PTGFRN: variants seen among roughly 807,000 people sequenced by gnomAD.
The protein encoded by PTGFRN is prostaglandin F2 receptor negative regulator.
PTGFRN carries 35 observed loss-of-function variants against 83.2 expected under a neutral mutation model. The observed-to-expected ratio is 0.42, with a 90% CI of 0.32 to 0.56. The LOEUF (loss-of-function observed/expected upper bound fraction) is 0.56. PTGFRN is among the 20% of genes least tolerant of loss of function. PTGFRN has a pLI of 0.11. For synonymous variants in PTGFRN, 519 were observed against 498.6 expected, an observed-to-expected ratio of 1.04 and a Z score of -0.55; for missense variants, 1,051 against 1,179.5, an observed-to-expected ratio of 0.89 and a Z score of 1.60.
At chr1:116,976,367 A>G (rs1268427764) in intron 7 of PTGFRN, among the ~76,000 whole-genome samples, 1 of 152,204 alleles carries the variant, frequency 6.6e-6, no homozygotes, top group Non-Finnish European at 1.5e-5. Context: ...CAGGAAATAC[A>G]GAGAACGCCA....
chr1:116,910,242 C>A lies in PTGFRN; in HGVS notation c.39C>A (p.Leu13=). 1.4e-6 allele frequency: 2 copies of A among 1,454,452 alleles called. No individual in the cohort carries two copies. Among genetic ancestry groups the A allele is most frequent in the East Asian group, 5.5e-5 (2 of 36,688 alleles). The allele number at this position is 1,454,452 out of a possible 1,614,324, so 90.1% of individuals were successfully genotyped here. A position where few individuals can be genotyped will look rare whatever the true frequency, so the allele number is the denominator to read the frequency against. ...CCTCGAGGCCGCTGCTGCTGGCGCT[C>A]CTGTCGTTGGGTGAGTGTGCGCGGG... ...RLASRPLLLA[L]LSLALCRGRV... is the part of the protein sequence containing the mutation. The change falls in exon 1 of 9, where the codon CTC becomes CTA. Residue 13 remains leucine, a synonymous_variant. Coordinates refer to ENST00000393203, the MANE Select transcript of PTGFRN (RefSeq NM_020440.4).
At position 116,946,972 on chromosome 1, in the gene PTGFRN, A is replaced by G. The variant is rs372889188; in HGVS notation, c.832+1880A>G. 1.8e-4 allele frequency among the ~76,000 whole-genome samples: 28 copies of G among 152,338 alleles called. No individual in the cohort carries two copies. The East Asian group carries it at 2.9e-3, about 16-fold the overall frequency. On this transcript the variant is annotated intron_variant, in intron 3 of 8. Coordinates refer to ENST00000393203, the MANE Select transcript of PTGFRN (RefSeq NM_020440.4). Reference sequence around the variant, plus strand: ...TGATTTCTATTTGGGGTAGTTCCAGACACAGGTAATACTACACTGGTTTGT... The same window carrying G: ...TGATTTCTATTTGGGGTAGTTCCAGGCACAGGTAATACTACACTGGTTTGT...
chr1:116,949,510 G>A lies in PTGFRN; in HGVS notation c.1151G>A (p.Arg384Lys). ...TCCCTGTGGGCACCCGGACACAACA[G>A]GAGCTGGCACAAAGTGGCAGAGGCC... ...HVSLWAPGHNRSWHKVAEAVS... is the reference protein window; with the variant it reads ...HVSLWAPGHNKSWHKVAEAVS... The change falls in exon 4 of 9, where the codon AGG (arginine) becomes AAG (lysine). Residue 384 changes from arginine to lysine, a missense_variant. Arg to Lys is a conservative substitution (Grantham distance 26). Coordinates refer to ENST00000393203, the MANE Select transcript of PTGFRN (RefSeq NM_020440.4). 2 of 1,614,212 alleles carry A rather than the reference G, an allele frequency of 1.2e-6. No homozygotes were observed. The highest frequency in any genetic ancestry group is 1.3e-5 in the African/African-American group (1 of 75,072).
At chr1:116,925,226 G>A (rs906379564) in intron 1 of PTGFRN, among the ~76,000 whole-genome samples, 2 of 151,958 alleles carry the variant, frequency 1.3e-5, no homozygotes, top group African/African-American at 2.4e-5. Context: ...CCAGAAGTTC[G>A]AGACCACCCT....
chr1:116,987,017 CAAG>C lies in PTGFRN; in HGVS notation c.*55_*57del. 6.2e-7 allele frequency: 1 copy of C among 1,601,360 alleles called. No individual in the cohort carries two copies. The highest frequency in any genetic ancestry group is 8.5e-7 in the Non-Finnish European group (1 of 1,170,562). Reference sequence around the variant, plus strand: ...AGGGACGTTCTAGGAGCAATTGGGGCAAGAAGAGGACAGTGATATTTTAAAACA... The same window carrying C: ...AGGGACGTTCTAGGAGCAATTGGGGCAAGAGGACAGTGATATTTTAAAACA... On this transcript the variant is annotated 3_prime_UTR_variant, in exon 9 of 9. Transcript: ENST00000393203.
intron 1 of PTGFRN, among the ~76,000 whole-genome samples, chr1:116,924,174 G>T (rs1376395418): frequency 1.4e-5 from 2 of 137,958 alleles, no homozygotes; most frequent in Non-Finnish European, 3.0e-5. Flanking sequence ...TTGAGACGGA[G>T]TCTCACTCTT....
chr1:116,949,345 G>A lies in PTGFRN; in HGVS notation c.986G>A (p.Arg329His), dbSNP rs758742937. The change falls in exon 4 of 9, where the codon CGC (arginine) becomes CAC (histidine). Residue 329 changes from arginine to histidine, a missense_variant. By Grantham distance (29) the Arg-to-His change is conservative. Coordinates refer to ENST00000393203, the MANE Select transcript of PTGFRN (RefSeq NM_020440.4). The part of the protein sequence containing the change: ...RMPDSTLPGS[R>H]VLARLDRDSL... Reference sequence around the variant, plus strand: ...CCTGACAGCACCCTACCTGGCTCCCGCGTGTTGGCGCGGCTTGACCGTGAT... The same window carrying A: ...CCTGACAGCACCCTACCTGGCTCCCACGTGTTGGCGCGGCTTGACCGTGAT... 15 of 1,614,150 alleles carry A rather than the reference G, an allele frequency of 9.3e-6. 1 individual carries two copies. Among genetic ancestry groups the A allele is most frequent in the African/African-American group, 2.7e-5 (2 of 74,956 alleles).
chr1:116,915,373 G>A (rs1395391524), intron 1 of PTGFRN, among the ~76,000 whole-genome samples: 1 of 152,180 alleles, frequency 6.6e-6, no homozygotes, highest in Non-Finnish European at 1.5e-5. Flanking sequence ...AACTGCCTCT[G>A]GAAAGCACTG....
intron 7 of PTGFRN, among the ~76,000 whole-genome samples, chr1:116,976,957 G>C (rs553325401): frequency 6.6e-6 from 1 of 152,174 alleles, no homozygotes; most frequent in African/African-American, 2.4e-5. Context: ...AGACCCATCA[G>C]TGTGCTATAT....
At chr1:116,965,852 G>C (rs75504818) in intron 5 of PTGFRN, among the ~76,000 whole-genome samples, 4,701 of 152,270 alleles carry the variant, frequency 0.031, 101 homozygotes, top group Non-Finnish European at 0.046. Flanking sequence ...CAGTATGGAA[G>C]GCTGTCAATA....
intron 7 of PTGFRN, 190 bp downstream of exon 7, chr1:116,974,513 G>C: frequency 2.1e-6 from 1 of 465,468 alleles, no homozygotes; most frequent in Non-Finnish European, 3.8e-6. Context: ...CTATCTGCTA[G>C]ATGGTTTGGA....
Position 116,974,243 on chromosome 1 carries a change from C to T in PTGFRN, c.2087C>T (p.Ser696Leu). Reference protein sequence around the residue: ...SGPIFNASVHSDTPSVIRGDL... With the variant: ...SGPIFNASVHLDTPSVIRGDL... ...CCTATATTTAATGCTTCTGTGCATTCAGACACACCATCAGTAATTCGGGGA... is the reference window on the plus strand; with the variant it reads ...CCTATATTTAATGCTTCTGTGCATTTAGACACACCATCAGTAATTCGGGGA... The change falls in exon 7 of 9, where the codon TCA becomes TTA. Residue 696 changes from serine to leucine, a missense_variant. Ser to Leu is a moderately radical substitution (Grantham distance 145). Coordinates refer to ENST00000393203, the MANE Select transcript of PTGFRN (RefSeq NM_020440.4). 3 of 1,611,960 alleles carry T rather than the reference C, an allele frequency of 1.9e-6. No homozygotes were observed. Among genetic ancestry groups the T allele is most frequent in the Non-Finnish European group, 2.5e-6 (3 of 1,178,150 alleles).
chr1:116,979,702 C>A (rs1370896945), intron 7 of PTGFRN, among the ~76,000 whole-genome samples: 1 of 152,134 alleles, frequency 6.6e-6, no homozygotes, highest in East Asian at 1.9e-4. Context: ...CTTCCTTACA[C>A]CTTATACAAA....
At chr1:116,940,820 T>A (rs1650040908) in intron 1 of PTGFRN, among the ~76,000 whole-genome samples, 1 of 152,224 alleles carries the variant, frequency 6.6e-6, no homozygotes, top group Non-Finnish European at 1.5e-5. Flanking sequence ...CTATATGTGT[T>A]TATTTGGTGC....
chr1:116,972,681 A>G (rs541788870), intron 6 of PTGFRN, among the ~76,000 whole-genome samples: 1 of 152,350 alleles, frequency 6.6e-6, no homozygotes, highest in East Asian at 1.9e-4. Flanking sequence ...GTTGCTTCCC[A>G]GGAAACCCAA....
rs1649218876 is a variant in PTGFRN, at chr1:116,910,091, C to T, written c.-113C>T. The T allele has an allele frequency of 2.5e-6, 3 of 1,180,278 alleles. No homozygotes were observed. The highest frequency in any genetic ancestry group is 1.6e-5 in the African/African-American group (1 of 63,312). The allele number at this position is 1,180,278 out of a possible 1,614,324, so 73.1% of individuals were successfully genotyped here. A position where few individuals can be genotyped will look rare whatever the true frequency, so the allele number is the denominator to read the frequency against. On this transcript the variant is annotated 5_prime_UTR_variant, in exon 1 of 9. Coordinates refer to ENST00000393203, the MANE Select transcript of PTGFRN (RefSeq NM_020440.4). ...GCTCGCGAGGAGAGCGGAGCAGGCG[C>T]GCGGCCCAGGCGGAGGAGCGCCGAC...
Position 116,967,178 on chromosome 1 carries a change from A to C in PTGFRN, c.1907A>C (p.Asp636Ala). The change falls in exon 6 of 9, where the codon GAT (aspartate) becomes GCT (alanine). Residue 636 changes from aspartate (D) to alanine (A), a missense_variant. Physicochemically the swap from Asp to Ala is moderately radical, Grantham distance 126. Transcript: ENST00000393203. ...DGVVLEKVQE[D>A]EFRYRMYQTQ... ...GTTGTTTTAGAAAAAGTGCAGGAGGATGAGTTCCGCTATCGAATGTACCAG... is the reference window on the plus strand; with the variant it reads ...GTTGTTTTAGAAAAAGTGCAGGAGGCTGAGTTCCGCTATCGAATGTACCAG... The C allele has an allele frequency of 6.2e-7, 1 of 1,614,158 alleles. No homozygotes were observed. The highest frequency in any genetic ancestry group is 8.5e-7 in the Non-Finnish European group (1 of 1,180,034).
chr1:116,964,079 G>GC (rs59288234), intron 5 of PTGFRN, among the ~76,000 whole-genome samples: 27,965 of 151,596 alleles, frequency 0.18, 3,095 homozygotes, highest in East Asian at 0.4. Flanking sequence ...CGTGCCGGGC[G>GC]CCCCCCCTTT....
intron 2 of PTGFRN, among the ~76,000 whole-genome samples, chr1:116,943,948 C>T (rs1463599804): frequency 1.3e-5 from 2 of 152,130 alleles, no homozygotes; most frequent in Non-Finnish European, 2.9e-5. Context: ...TTTCTGGTTA[C>T]CAGAATAGCA....
Sources: gnomAD v4.1 joint callset for allele counts (sites outside exome capture counted in the v4.1 genomes callset) on GRCh38, gnomAD v4.1.1 for gene constraint, MANE v1.5 for transcripts, NCBI Gene and HGNC (gene_info 2026-07-23, HGNC 2026-07-21) for gene names.